Variants in NUBPL observed in about 807,000 individuals in gnomAD.
The protein encoded by NUBPL is iron-sulfur cluster transfer protein NUBPL.
A neutral mutation model predicts 45.7 loss-of-function variants in NUBPL; 31 were observed. The ratio of observed to expected loss-of-function variants is 0.68; its 90% CI spans 0.51 to 0.92. NUBPL has a LOEUF of 0.92. Among genes scored for constraint, NUBPL ranks in the 40% least tolerant of loss-of-function variants. The pLI is 0.00. For missense variants in NUBPL, 401 were observed against 398.7 expected, an observed-to-expected ratio of 1.01 and a Z score of -0.05; for synonymous variants, 144 against 140.9, an observed-to-expected ratio of 1.02 and a Z score of -0.15.
intron 6 of NUBPL, among the ~76,000 whole-genome samples, chr14:31,694,588 T>C (rs2037172717): frequency 6.6e-6 from 1 of 152,184 alleles, no homozygotes; most frequent in African/African-American, 2.4e-5. Flanking sequence ...TGATCTCAGC[T>C]CACTGCAACC....
At chr14:31,755,615 T>C (rs2038642757) in intron 6 of NUBPL, among the ~76,000 whole-genome samples, 1 of 152,114 alleles carries the variant, frequency 6.6e-6, no homozygotes, top group South Asian at 2.1e-4. Flanking sequence ...GTCAGATGAG[T>C]AGGTTGCAAA....
intron 3 of NUBPL, among the ~76,000 whole-genome samples, chr14:31,577,145 C>T (rs1004553074): frequency 6.6e-6 from 1 of 152,188 alleles, no homozygotes; most frequent in Non-Finnish European, 1.5e-5. Context: ...GAAACCTTAA[C>T]ATCATCCTTG....
intron 6 of NUBPL, among the ~76,000 whole-genome samples, chr14:31,675,800 G>A (rs1253435365): frequency 6.6e-6 from 1 of 152,054 alleles, no homozygotes; most frequent in Non-Finnish European, 1.5e-5. Flanking sequence ...TGCATACAAT[G>A]AGATGCATAG....
intron 6 of NUBPL, among the ~76,000 whole-genome samples, chr14:31,680,076 T>C (rs1015093174): frequency 3.9e-5 from 6 of 152,194 alleles, no homozygotes; most frequent in African/African-American, 1.4e-4. Flanking sequence ...CTGATTTTTG[T>C]ACATTAACCT....
At chr14:31,684,065 A>G (rs1363999551) in intron 6 of NUBPL, among the ~76,000 whole-genome samples, 1 of 152,138 alleles carries the variant, frequency 6.6e-6, no homozygotes, top group East Asian at 1.9e-4. Context: ...CCAGAATTAC[A>G]TCCATAGCTC....
intron 6 of NUBPL, 31 bp from the exon 7 acceptor site, chr14:31,787,749 T>C: frequency 7.3e-7 from 1 of 1,370,852 alleles, no homozygotes; most frequent in Non-Finnish European, 1.0e-6. Flanking sequence ...TGAATTTTTA[T>C]ACAATGATAT....
intron 6 of NUBPL, among the ~76,000 whole-genome samples, chr14:31,761,964 C>A (rs2038820250): frequency 6.6e-6 from 1 of 152,028 alleles, no homozygotes. Flanking sequence ...TTCCTAGGTG[C>A]CTTTACATTG....
At chr14:31,820,489 G>C (rs2138946000) in intron 7 of NUBPL, among the ~76,000 whole-genome samples, 1 of 152,282 alleles carries the variant, frequency 6.6e-6, no homozygotes, top group East Asian at 1.9e-4. Flanking sequence ...TAAGTCGAAT[G>C]ATACAGTAAC....
intron 4 of NUBPL, among the ~76,000 whole-genome samples, chr14:31,621,238 G>A (rs968801763): frequency 6.6e-5 from 10 of 152,174 alleles, no homozygotes; most frequent in Admixed American, 2.0e-4. Flanking sequence ...GGGACTTGCC[G>A]AGCCAGACCA....
chr14:31,835,311 A>G (rs934332727), intron 8 of NUBPL, among the ~76,000 whole-genome samples: 1 of 152,146 alleles, frequency 6.6e-6, no homozygotes, highest in Non-Finnish European at 1.5e-5. Context: ...AAAAGTCTCT[A>G]TCTAGTTGTC....
rs556520912 is a variant in NUBPL, at chr14:31,744,408, A to G, written c.514-43372A>G. 2.6e-5 allele frequency among the ~76,000 whole-genome samples: 4 copies of G among 152,316 alleles called. No homozygotes were observed. In the South Asian group the frequency reaches 8.3e-4, roughly 32 times the overall value. ...ATGAATTTGCATTTAAACATTCGTG[A>G]TGATTCTGAGTAGGAAAAATACACA... On this transcript the variant is annotated intron_variant, in intron 6 of 10. Coordinates refer to ENST00000281081, the MANE Select transcript of NUBPL (RefSeq NM_025152.3).
intron 8 of NUBPL, among the ~76,000 whole-genome samples, chr14:31,834,470 C>T (rs866490464): frequency 3.9e-5 from 6 of 152,098 alleles, no homozygotes; most frequent in South Asian, 4.1e-4. Context: ...TGAGCCACTG[C>T]GCCTGGCCGG....
intron 9 of NUBPL, among the ~76,000 whole-genome samples, chr14:31,849,809 T>C (rs1030513172): frequency 2.6e-5 from 4 of 152,172 alleles, no homozygotes; most frequent in African/African-American, 9.7e-5. Flanking sequence ...GAGAAATCAT[T>C]TGCAAATGTC....
intron 4 of NUBPL, among the ~76,000 whole-genome samples, chr14:31,651,308 C>T (rs1350460076): frequency 6.6e-6 from 1 of 152,138 alleles, no homozygotes. Flanking sequence ...TAGTGATCCA[C>T]ACTTCTTGGC....
At chr14:31,605,638 C>T (rs1008267105) in intron 4 of NUBPL, among the ~76,000 whole-genome samples, 1 of 152,178 alleles carries the variant, frequency 6.6e-6, no homozygotes, top group Non-Finnish European at 1.5e-5. Context: ...GGAAAATCAG[C>T]TTGAGCAAAT....
At chr14:31,822,977 C>T (rs2138954635) in intron 7 of NUBPL, among the ~76,000 whole-genome samples, 1 of 151,954 alleles carries the variant, frequency 6.6e-6, no homozygotes, top group East Asian at 1.9e-4. Context: ...AAAATAATGT[C>T]CCTGAACATT....
chr14:31,635,531 C>T (rs1319935263), intron 4 of NUBPL, among the ~76,000 whole-genome samples: 2 of 151,914 alleles, frequency 1.3e-5, no homozygotes, highest in Non-Finnish European at 2.9e-5. Flanking sequence ...TGTGATGCCT[C>T]CAGCTTTGTT....
chr14:31,705,937 C>T (rs12435348), intron 6 of NUBPL, among the ~76,000 whole-genome samples: 44,922 of 152,060 alleles, frequency 0.3, 7,496 homozygotes, highest in South Asian at 0.41. Context: ...CACTGGCCTG[C>T]GAGTGCTGCA....
intron 6 of NUBPL, among the ~76,000 whole-genome samples, chr14:31,784,976 T>G (rs981415604): frequency 6.6e-6 from 1 of 152,180 alleles, no homozygotes; most frequent in African/African-American, 2.4e-5. Flanking sequence ...GCCTTTGCAC[T>G]TATTATGGCT....
Sources: gnomAD v4.1 joint callset for allele counts (sites outside exome capture counted in the v4.1 genomes callset) on GRCh38, gnomAD v4.1.1 for gene constraint, MANE v1.5 for transcripts, NCBI Gene and HGNC (gene_info 2026-07-23, HGNC 2026-07-21) for gene names.